The following NOVA1 variants were observed in gnomAD, a reference collection of about 807,000 sequenced individuals.
NOVA1 encodes the protein NOVA alternative splicing regulator 1.
A neutral mutation model predicts 38.0 loss-of-function variants in NOVA1; 7 were observed. The observed-to-expected ratio is 0.18, with a 90% CI of 0.10 to 0.35. The LOEUF (loss-of-function observed/expected upper bound fraction) is 0.35, where lower values mean the gene tolerates loss of function less well. Ranked by LOEUF, NOVA1 falls within the 10% of genes least tolerant of loss-of-function variation. The pLI, the probability that NOVA1 is intolerant of heterozygous loss-of-function variation, is 1.00. For synonymous variants in NOVA1, 270 were observed against 232.5 expected (o/e 1.16, Z -1.47); for missense variants, 460 against 616.0 (o/e 0.75, Z 2.68).
At position 26,448,216 on chromosome 14, in the gene NOVA1, C is replaced by T. The variant is rs1416881948; in HGVS notation, c.1267G>A (p.Val423Ile). The T allele has an allele frequency of 1.2e-6, 2 of 1,614,258 alleles. No homozygotes were observed. The highest frequency in any genetic ancestry group is 1.1e-5 in the South Asian group (1 of 91,084). The change falls in exon 5 of 5, where the codon GTA becomes ATA. Residue 423 changes from valine (V) to isoleucine (I), a missense_variant. Physicochemically the swap from Val to Ile is conservative, Grantham distance 29. Coordinates refer to ENST00000539517, the MANE Select transcript of NOVA1 (RefSeq NM_002515.3). The surrounding 1 kb of genome is among the most constrained non-coding windows in gnomAD (Gnocchi z 5.3). ...TTTTCTGGCACTGCTATTTCAACTA[C>T]ATCCTTGGATCCATCTGTGGACTTT... is the stretch of plus-strand genomic sequence containing the variant. The part of the protein sequence containing the change: ...TEKSTDGSKD[V>I]VEIAVPENLV...
chr14:26,573,709 T>C (rs1594561180), intron 2 of NOVA1, among the ~76,000 whole-genome samples: 1 of 152,156 alleles, frequency 6.6e-6, no homozygotes, highest in East Asian at 1.9e-4. Flanking sequence ...GTGAAGCAAG[T>C]ACATTTACAG....
At chr14:26,474,376 C>T (rs1594359702) in intron 3 of NOVA1, among the ~76,000 whole-genome samples, 1 of 151,862 alleles carries the variant, frequency 6.6e-6, no homozygotes, top group East Asian at 1.9e-4. Context: ...GTCTTAACTG[C>T]AAAGAACCAT....
chr14:26,449,057 G>A (rs1882391637), intron 4 of NOVA1, 94 bp from the exon 5 acceptor site: 2 of 1,148,290 alleles, frequency 1.7e-6, no homozygotes. Flanking sequence ...ATAATAAACT[G>A]AAAATTAAAC....
At position 26,597,330 on chromosome 14, in the gene NOVA1, G is replaced by A. The variant is rs1425882351; in HGVS notation, c.107C>T (p.Ala36Val). ...RKRPLEAPPE[A>V]GSTKRTNTGE... is the part of the protein sequence containing the mutation. ...CGTATTGGTCCTCTTGGTGCTGCCG[G>A]CTTCAGGGGGGGCTTCCAGCGGCCT... Residue 36 changes from alanine to valine, a missense_variant, in exon 1 of 5, where the codon GCC (alanine) becomes GTC (valine). By Grantham distance (64) the Ala-to-Val change is moderately conservative. Coordinates refer to ENST00000539517, the MANE Select transcript of NOVA1 (RefSeq NM_002515.3). The A allele has an allele frequency of 4.0e-6, 5 of 1,258,276 alleles. No homozygotes were observed. The Admixed American group carries it at 1.2e-4, about 31-fold the overall frequency. The allele number at this position is 1,258,276 out of a possible 1,614,324, so 77.9% of individuals were successfully genotyped here. A position where few individuals can be genotyped will look rare whatever the true frequency, so the allele number is the denominator to read the frequency against.
chr14:26,522,233 T>C (rs1265231799), intron 2 of NOVA1, among the ~76,000 whole-genome samples: 7 of 152,162 alleles, frequency 4.6e-5, no homozygotes, highest in African/African-American at 9.6e-5. Flanking sequence ...AATTGAAGAT[T>C]AGGCAGAAGC....
At chr14:26,498,837 T>C (rs1343888826) in intron 2 of NOVA1, among the ~76,000 whole-genome samples, 1 of 152,220 alleles carries the variant, frequency 6.6e-6, no homozygotes, top group African/African-American at 2.4e-5. Context: ...TCCAGTCTCC[T>C]TATAAACATT....
chr14:26,476,964 C>T (rs1885035379), intron 3 of NOVA1, among the ~76,000 whole-genome samples: 1 of 148,050 alleles, frequency 6.8e-6, no homozygotes, highest in Non-Finnish European at 1.5e-5. Flanking sequence ...CTCTGCTCGC[C>T]TCAGTCTCCC....
At chr14:26,532,760 T>C (rs1889812546) in intron 2 of NOVA1, among the ~76,000 whole-genome samples, 1 of 152,196 alleles carries the variant, frequency 6.6e-6, no homozygotes, top group African/African-American at 2.4e-5. Context: ...GATATCCATA[T>C]CTTATGAATG....
chr14:26,479,584 GA>G (rs1885267884), intron 3 of NOVA1: 1 of 185,018 alleles, frequency 5.4e-6, no homozygotes, highest in African/African-American at 2.3e-5. Flanking sequence ...TAACTATCCT[GA>G]AAACTACAAA....
At chr14:26,596,994 A>G in intron 1 of NOVA1, 1 of 1,247,926 alleles carries the variant, frequency 8.0e-7, no homozygotes. Flanking sequence ...CTTCTTGCCC[A>G]GGTCTAGGAT....
At chr14:26,552,997 G>C (rs1891255176) in intron 2 of NOVA1, among the ~76,000 whole-genome samples, 1 of 151,958 alleles carries the variant, frequency 6.6e-6, no homozygotes, top group Non-Finnish European at 1.5e-5. Context: ...AAGGACTTTG[G>C]GTTTGTTTTT....
Position 26,597,800 on chromosome 14 carries a change from A to C in NOVA1, c.-364T>G. The C allele has an allele frequency of 1.8e-6, 1 of 555,086 alleles. No homozygotes were observed. Among genetic ancestry groups the C allele is most frequent in the Non-Finnish European group, 2.3e-6 (1 of 440,492 alleles). The allele number at this position is 555,086 out of a possible 1,614,324, so 34.4% of individuals were successfully genotyped here. A position where few individuals can be genotyped will look rare whatever the true frequency, so the allele number is the denominator to read the frequency against. On this transcript the variant is annotated 5_prime_UTR_variant, in exon 1 of 5. Transcript: ENST00000539517. ...GGAGGGGACCGGGGAGGACAGGCAGAGGGAGTGGGAGAGCGCGAGGGCTGG... is the reference window on the plus strand; with the variant it reads ...GGAGGGGACCGGGGAGGACAGGCAGCGGGAGTGGGAGAGCGCGAGGGCTGG...
At chr14:26,501,593 T>C (rs1238391639) in intron 2 of NOVA1, among the ~76,000 whole-genome samples, 7 of 151,904 alleles carry the variant, frequency 4.6e-5, no homozygotes, top group African/African-American at 1.7e-4. Flanking sequence ...TTCTCATTAA[T>C]ACATCTATAA....
At chr14:26,596,856 A>C (rs1894223192) in intron 1 of NOVA1, 1 of 1,130,316 alleles carries the variant, frequency 8.8e-7, no homozygotes, top group Non-Finnish European at 1.1e-6. Flanking sequence ...CCGGCGCCCC[A>C]GTCATTCGCA....
intron 3 of NOVA1, among the ~76,000 whole-genome samples, chr14:26,476,268 G>A (rs1307517599): frequency 6.6e-6 from 1 of 152,136 alleles, no homozygotes; most frequent in African/African-American, 2.4e-5. Context: ...AGCACCCTAA[G>A]AGTCTGTCTG....
chr14:26,529,202 A>G (rs1470703755), intron 2 of NOVA1, among the ~76,000 whole-genome samples: 2 of 151,258 alleles, frequency 1.3e-5, no homozygotes, highest in African/African-American at 4.9e-5. Flanking sequence ...CAGTGGTGTA[A>G]TCTCGGCTCA....
At chr14:26,521,628 T>C (rs965616519) in intron 2 of NOVA1, among the ~76,000 whole-genome samples, 1 of 152,052 alleles carries the variant, frequency 6.6e-6, no homozygotes, top group Non-Finnish European at 1.5e-5. Flanking sequence ...TAAAATTTAC[T>C]CTTTATCTTT....
chr14:26,480,127 C>T lies in NOVA1; in HGVS notation c.297G>A (p.Val99=), dbSNP rs747905882. Residue 99 remains valine, a synonymous_variant, in exon 3 of 5, where the codon GTG becomes GTA. Transcript: ENST00000539517. ...KDFYPGTTER[V]CLIQGTVEAL... ...CTTCAACCGTTCCCTGGATCAAGCA[C>T]ACTCGCTCAGTAGTACCTGTGGATA... 6.8e-6 allele frequency: 11 copies of T among 1,613,580 alleles called. No individual in the cohort carries two copies. The Admixed American group carries it at 1.7e-4, about 24-fold the overall frequency.
At chr14:26,484,027 T>C (rs1296937988) in intron 2 of NOVA1, among the ~76,000 whole-genome samples, 1 of 152,116 alleles carries the variant, frequency 6.6e-6, no homozygotes, top group Non-Finnish European at 1.5e-5. Context: ...TACTGAAATA[T>C]GTACAGGTAA....
Sources: allele counts gnomAD v4.1 joint callset (sites outside exome capture counted in the v4.1 genomes callset), GRCh38; gene constraint gnomAD v4.1.1; non-coding constraint Gnocchi (gnomAD v3.1); transcripts MANE v1.5; gene names NCBI Gene and HGNC (gene_info 2026-07-23, HGNC 2026-07-21).